TFG: variants seen among roughly 807,000 people sequenced by gnomAD.
TFG encodes the protein protein TFG.
In TFG, 22 loss-of-function variants were observed where a neutral mutation model predicts 51.4. That is an observed-to-expected ratio of 0.43 (90% CI 0.31 to 0.61). TFG has a LOEUF of 0.61. TFG is among the 20% of genes least tolerant of loss of function. The pLI is 0.12. For synonymous variants in TFG, 187 were observed against 165.6 expected, an observed-to-expected ratio of 1.13 and a Z score of -0.99; for missense variants, 419 against 487.7, an observed-to-expected ratio of 0.86 and a Z score of 1.33.
intron 6 of TFG, among the ~76,000 whole-genome samples, chr3:100,739,552 T>A (rs1014636343): frequency 2.6e-5 from 4 of 152,082 alleles, no homozygotes; most frequent in Non-Finnish European, 5.9e-5. Context: ...CCTAAAAAAA[T>A]GAAAAAGCAT....
Position 100,728,790 on chromosome 3 carries a change from T to C in TFG, c.347T>C (p.Val116Ala). ...RRELIELRNK[V>A]NRLLDSLEPP... The stretch of plus-strand genomic sequence containing the variant: ...GAACTGATAGAACTTCGAAATAAAG[T>C]GAATCGTTTATTGGATAGCTTGGAA... The change falls in exon 4 of 8, where the codon GTG (valine) becomes GCG (alanine). Residue 116 changes from valine (V) to alanine (A), a missense_variant. Transcript: ENST00000240851. 6.2e-7 allele frequency: 1 copy of C among 1,613,150 alleles called. No homozygotes were observed. Among genetic ancestry groups the C allele is most frequent in the East Asian group, 2.2e-5 (1 of 44,756 alleles).
intron 6 of TFG, chr3:100,742,376 A>G (rs2095123659): frequency 6.6e-6 from 1 of 152,204 alleles, no homozygotes; most frequent in African/African-American, 2.4e-5. Flanking sequence ...GATAAAGACT[A>G]AAAACAAATG....
intron 1 of TFG, among the ~76,000 whole-genome samples, chr3:100,712,454 AGTT>A (rs1361351729): frequency 2.0e-5 from 3 of 152,194 alleles, no homozygotes; most frequent in Non-Finnish European, 4.4e-5. Context: ...GGCCAGTAGT[AGTT>A]TGTAGGATAC....
chr3:100,726,633 G>A (rs1284396466), intron 3 of TFG, among the ~76,000 whole-genome samples: 1 of 152,186 alleles, frequency 6.6e-6, no homozygotes, highest in East Asian at 1.9e-4. Context: ...AAAAGTTCTG[G>A]TAAGATGTAT....
intron 3 of TFG, among the ~76,000 whole-genome samples, chr3:100,725,029 G>T (rs139267538): frequency 6.6e-6 from 1 of 152,108 alleles, no homozygotes; most frequent in Non-Finnish European, 1.5e-5. Context: ...TCAGCTTCCC[G>T]AGTAGCTGGG....
In TFG at chr3:100,728,840, A is replaced by G. The variant is rs2095083335; in HGVS notation, c.397A>G (p.Thr133Ala). The G allele has an allele frequency of 1.2e-6, 2 of 1,604,810 alleles. No homozygotes were observed. The highest frequency in any genetic ancestry group is 2.3e-5 in the East Asian group (1 of 44,278). The change falls in exon 4 of 8, where the codon ACC (threonine) becomes GCC (alanine). Residue 133 changes from threonine (T) to alanine (A), a missense_variant. This residue lies in a region of TFG where 391 missense variants were observed against 434.4 expected (regional missense o/e 0.90). Transcript: ENST00000240851. Reference protein sequence around the residue: ...LEPPGEPGPSTNIPENDTVDG... With the variant: ...LEPPGEPGPSANIPENDTVDG... ...ACCACCTGGAGAACCAGGACCTTCC[A>G]CCAATATTCCTGAAAATGGTAAACC...
chr3:100,713,937 G>C (rs1006789343), intron 2 of TFG, 68 bp downstream of exon 2: 1 of 1,070,518 alleles, frequency 9.3e-7, no homozygotes, highest in Admixed American at 2.8e-5. Flanking sequence ...CAGAGCCTCT[G>C]TTGCCCAGGC....
intron 7 of TFG, among the ~76,000 whole-genome samples, chr3:100,747,245 G>C (rs560077242): frequency 6.6e-6 from 1 of 151,976 alleles, no homozygotes; most frequent in African/African-American, 2.4e-5. Flanking sequence ...ACCTTTTCCA[G>C]TTTTGTTCAT....
rs1460015983 is a variant in TFG at position 100,732,544 on chromosome 3, A to T, written c.452A>T (p.Asp151Val). ...GGTAGGGAAGAAAAGTCTGCTTCTG[A>T]TTCTTCTGGAAAACAGTCTACTCAG... is the stretch of plus-strand genomic sequence containing the variant. ...VDGREEKSASDSSGKQSTQVM... is the reference protein window; with the variant it reads ...VDGREEKSASVSSGKQSTQVM... The change falls in exon 5 of 8, where the codon GAT becomes GTT. Residue 151 changes from aspartate (D) to valine (V), a missense_variant. Transcript: ENST00000240851. The T allele has an allele frequency of 2.5e-6, 4 of 1,611,872 alleles. No homozygotes were observed. The highest frequency in any genetic ancestry group is 3.4e-6 in the Non-Finnish European group (4 of 1,179,146).
intron 3 of TFG, among the ~76,000 whole-genome samples, chr3:100,727,880 G>C (rs1354049337): frequency 6.6e-6 from 1 of 152,058 alleles, no homozygotes; most frequent in Non-Finnish European, 1.5e-5. Context: ...TGTCATCCAG[G>C]CTGGAGTGCA....
At chr3:100,736,164 G>A (rs980391958) in intron 5 of TFG, among the ~76,000 whole-genome samples, 5 of 152,100 alleles carry the variant, frequency 3.3e-5, no homozygotes, top group Non-Finnish European at 7.4e-5. Context: ...GAAATTGTGA[G>A]AAATAATGTT....
intron 3 of TFG, among the ~76,000 whole-genome samples, chr3:100,720,700 C>T (rs149785062): frequency 6.6e-6 from 1 of 152,194 alleles, no homozygotes; most frequent in Admixed American, 6.5e-5. Flanking sequence ...GGGACCCTTG[C>T]TTTAGACAGT....
At chr3:100,720,778 C>G (rs1037629652) in intron 3 of TFG, among the ~76,000 whole-genome samples, 1 of 152,116 alleles carries the variant, frequency 6.6e-6, no homozygotes, top group Non-Finnish European at 1.5e-5. Context: ...TAATTTTAAT[C>G]TTTTAGATTT....
intron 1 of TFG, among the ~76,000 whole-genome samples, chr3:100,712,109 C>T (rs1381795959): frequency 6.6e-6 from 1 of 151,970 alleles, no homozygotes; most frequent in Non-Finnish European, 1.5e-5. Flanking sequence ...GTTTTAATGA[C>T]CCATTTCATT....
chr3:100,744,955 T>C, intron 7 of TFG, 24 bp downstream of exon 7: 2 of 1,531,404 alleles, frequency 1.3e-6, no homozygotes, highest in Non-Finnish European at 1.8e-6. Flanking sequence ...GAAAGGGAGT[T>C]GGCTCATGGT....
intron 2 of TFG, among the ~76,000 whole-genome samples, chr3:100,719,412 G>A (rs1436089279): frequency 6.6e-6 from 1 of 152,132 alleles, no homozygotes; most frequent in African/African-American, 2.4e-5. Context: ...GGGATTTCAC[G>A]GTCATAAATA....
chr3:100,748,445 C>T lies in TFG; in HGVS notation c.1117C>T (p.Pro373Ser), dbSNP rs771095995. ...FTSLPGSTMT[P>S]PPSGPNPYAR... Reference sequence around the variant, plus strand: ...TTCACTTCCTGGAAGTACCATGACCCCTCCTCCAAGTGGGCCTAATCCTTA... The same window carrying T: ...TTCACTTCCTGGAAGTACCATGACCTCTCCTCCAAGTGGGCCTAATCCTTA... The change falls in exon 8 of 8, where the codon CCT becomes TCT. Residue 373 changes from proline (P) to serine (S), a missense_variant. Transcript: ENST00000240851. 5.0e-6 allele frequency: 8 copies of T among 1,614,104 alleles called. No individual in the cohort carries two copies. Among genetic ancestry groups the T allele is most frequent in the African/African-American group, 2.7e-5 (2 of 75,030 alleles).
At chr3:100,727,141 A>C (rs2095078217) in intron 3 of TFG, among the ~76,000 whole-genome samples, 1 of 152,156 alleles carries the variant, frequency 6.6e-6, no homozygotes, top group Non-Finnish European at 1.5e-5. Flanking sequence ...TGTTCTTTGA[A>C]ATATTTATAT....
chr3:100,733,709 G>A (rs2095098097), intron 5 of TFG, among the ~76,000 whole-genome samples: 1 of 152,082 alleles, frequency 6.6e-6, no homozygotes, highest in Non-Finnish European at 1.5e-5. Context: ...TGGTTAATAT[G>A]TTGTAGTGAC....
Sources: allele counts gnomAD v4.1 joint callset (sites outside exome capture counted in the v4.1 genomes callset), GRCh38; gene constraint gnomAD v4.1.1; regional missense constraint gnomAD v4.1.1; transcripts MANE v1.5; gene names NCBI Gene and HGNC (gene_info 2026-07-23, HGNC 2026-07-21).